The following HPF1 variants were observed in gnomAD, a reference collection of about 807,000 sequenced individuals.
HPF1 encodes the protein UPF0609 protein C4orf27.
Under a neutral mutation model 38.8 loss-of-function variants are expected in HPF1, and 35 were observed. The observed-to-expected ratio is 0.90, with a 90% confidence interval of 0.69 to 1.19. The LOEUF is 1.19. HPF1 is among the 50% of genes most tolerant of loss of function. The pLI is 0.00. For synonymous variants in HPF1, 115 were observed against 139.2 expected, an observed-to-expected ratio of 0.83 and a Z score of 1.22; for missense variants, 367 against 405.8, an observed-to-expected ratio of 0.90 and a Z score of 0.82.
chr4:169,753,701 T>C lies in HPF1; in HGVS notation c.183A>G (p.Glu61=), dbSNP rs1560892081. 1.9e-6 allele frequency: 3 copies of C among 1,611,804 alleles called. No homozygotes were observed. In the South Asian group the frequency reaches 3.3e-5, roughly 18 times the overall value. ...EDFYHFWKFC[E]ELDPEKPSDS... ...CAGATGGCTTTTCAGGATCAAGTTCTTCACAGAACTTCCAGAAGTGATAGA... is the reference window on the plus strand; with the variant it reads ...CAGATGGCTTTTCAGGATCAAGTTCCTCACAGAACTTCCAGAAGTGATAGA... Residue 61 remains glutamate, a synonymous_variant, in exon 2 of 8, where the codon GAA becomes GAG. Transcript: ENST00000393381.
intron 7 of HPF1, among the ~76,000 whole-genome samples, chr4:169,731,394 C>T (rs1733825924): frequency 6.6e-6 from 1 of 152,174 alleles, no homozygotes; most frequent in Non-Finnish European, 1.5e-5. Context: ...GGCAAGAAGG[C>T]ATGTCCCTAT....
intron 6 of HPF1, among the ~76,000 whole-genome samples, chr4:169,734,816 C>T (rs1022880437): frequency 2.0e-5 from 3 of 152,136 alleles, no homozygotes; most frequent in African/African-American, 4.8e-5. Flanking sequence ...CTTCTTACTT[C>T]GGATAGTAGT....
rs200337191 is a variant in HPF1, at chr4:169,750,748, C to A, written c.209-23G>T. On this transcript the variant is annotated intron_variant, in intron 2 of 7. Coordinates refer to ENST00000393381, the MANE Select transcript of HPF1 (RefSeq NM_017867.3). ...AATCTATAAAGAAAATAAATTTAGA[C>A]AATACTTTCTGGAGACAGGTAGGAA... 842 of 1,525,064 alleles carry A rather than the reference C, an allele frequency of 5.5e-4. 10 individuals carry two copies. In the Middle Eastern group the frequency reaches 0.016, roughly 29 times the overall value. 94.5% of individuals were successfully genotyped at this position (1,525,064 alleles called of 1,614,324 possible). A position where few individuals can be genotyped will look rare whatever the true frequency, so the allele number is the denominator to read the frequency against.
At chr4:169,736,199 T>C (rs1242429045) in intron 6 of HPF1, among the ~76,000 whole-genome samples, 1 of 150,754 alleles carries the variant, frequency 6.6e-6, no homozygotes, top group African/African-American at 2.4e-5. Flanking sequence ...GGCAACAGAG[T>C]GAGACCCCGT....
chr4:169,741,523 C>T (rs536682617), intron 5 of HPF1, among the ~76,000 whole-genome samples: 38 of 152,062 alleles, frequency 2.5e-4, no homozygotes, highest in African/African-American at 8.9e-4. Context: ...ATATTGCAGA[C>T]ATTAGGAGAG....
intron 4 of HPF1, among the ~76,000 whole-genome samples, chr4:169,748,420 C>T (rs189951092): frequency 7.2e-5 from 11 of 151,936 alleles, no homozygotes; most frequent in African/African-American, 2.7e-4. Flanking sequence ...ACTCAGGCTG[C>T]AATGCAGTGG....
At chr4:169,731,570 A>T in intron 7 of HPF1, 134 bp downstream of exon 7, 1 of 602,474 alleles carries the variant, frequency 1.7e-6, no homozygotes, top group Non-Finnish European at 2.7e-6. Context: ...ATTTTGAAAT[A>T]CAAGCTGAAT....
chr4:169,735,832 G>T (rs1733884684), intron 6 of HPF1, among the ~76,000 whole-genome samples: 1 of 150,108 alleles, frequency 6.7e-6, no homozygotes, highest in African/African-American at 2.5e-5. Context: ...TCAAAGAGGA[G>T]ATATAGGACA....
intron 5 of HPF1, among the ~76,000 whole-genome samples, chr4:169,740,483 C>A (rs545311377): frequency 6.6e-6 from 1 of 152,192 alleles, no homozygotes; most frequent in East Asian, 1.9e-4. Flanking sequence ...TATGCTTACG[C>A]TCACACACAA....
rs1421212113 is a variant in HPF1 at position 169,731,817 on chromosome 4, T to C, written c.796A>G (p.Lys266Glu). The change falls in exon 7 of 8, where the codon AAA becomes GAA. Residue 266 changes from lysine to glutamate, a missense_variant. Physicochemically the swap from Lys to Glu is moderately conservative, Grantham distance 56. Transcript: ENST00000393381. ...VEAASDEERL[K>E]AFAPIQEMMT... is the part of the protein sequence containing the mutation. Reference sequence around the variant, plus strand: ...ATTTCCTGAATGGGAGCAAAAGCTTTTAGTCTCTCCTCATCACTTGCAGCC... The same window carrying C: ...ATTTCCTGAATGGGAGCAAAAGCTTCTAGTCTCTCCTCATCACTTGCAGCC... 6.2e-7 allele frequency: 1 copy of C among 1,612,100 alleles called. No individual in the cohort carries two copies. Among genetic ancestry groups the C allele is most frequent in the South Asian group, 1.1e-5 (1 of 90,622 alleles).
intron 5 of HPF1, 124 bp from the exon 6 acceptor site, chr4:169,737,871 A>G (rs1733919398): frequency 3.0e-6 from 2 of 675,466 alleles, no homozygotes; most frequent in Non-Finnish European, 2.6e-6. Context: ...TTATTTCAGT[A>G]AATTTGGACT....
Position 169,733,953 on chromosome 4 carries a change from C to T in HPF1, c.737-2077G>A, listed in dbSNP as rs1485147581. 2.0e-5 allele frequency among the ~76,000 whole-genome samples: 3 copies of T among 151,482 alleles called. No homozygotes were observed. In the East Asian group the frequency reaches 5.8e-4, roughly 29 times the overall value. ...ATTAAAAATATACTATATACTAGTG[C>T]TTTTAACCCCAGTCTATGAATAACA... On this transcript the variant is annotated intron_variant, in intron 6 of 7. Coordinates refer to ENST00000393381, the MANE Select transcript of HPF1 (RefSeq NM_017867.3).
intron 5 of HPF1, among the ~76,000 whole-genome samples, chr4:169,739,907 G>C (rs928335380): frequency 6.6e-6 from 1 of 152,144 alleles, no homozygotes; most frequent in African/African-American, 2.4e-5. Flanking sequence ...AGCTCAGGCT[G>C]AACAACATAA....
intron 4 of HPF1, among the ~76,000 whole-genome samples, chr4:169,747,111 G>T (rs146201503): frequency 0.014 from 2,074 of 150,132 alleles, 47 homozygotes; most frequent in African/African-American, 0.047. Context: ...ACATGCCAAG[G>T]TATTTATAGA....
At chr4:169,741,010 A>G (rs1733962086) in intron 5 of HPF1, among the ~76,000 whole-genome samples, 1 of 152,228 alleles carries the variant, frequency 6.6e-6, no homozygotes, top group Admixed American at 6.5e-5. Flanking sequence ...AGAAAGGTAA[A>G]TGGCAATATA....
At chr4:169,731,129 C>T (rs1327894839) in intron 7 of HPF1, among the ~76,000 whole-genome samples, 2 of 152,262 alleles carry the variant, frequency 1.3e-5, no homozygotes, top group African/African-American at 2.4e-5. Context: ...ATATCCGCTA[C>T]ACCTTATTGC....
At chr4:169,749,718 T>C (rs372790268) in intron 3 of HPF1, among the ~76,000 whole-genome samples, 1 of 33,584 alleles carries the variant, frequency 3.0e-5, no homozygotes, top group Non-Finnish European at 5.9e-5. Flanking sequence ...TATACTCAAA[T>C]ACAAAAAAAA....
chr4:169,729,547 A>G lies in HPF1; in HGVS notation c.*31T>C, dbSNP rs1231683637. 3 of 1,408,614 alleles carry G rather than the reference A, an allele frequency of 2.1e-6. No homozygotes were observed. Among genetic ancestry groups the G allele is most frequent in the African/African-American group, 3.0e-5 (2 of 66,968 alleles). The allele number at this position is 1,408,614 out of a possible 1,614,324, so 87.3% of individuals were successfully genotyped here. A position where few individuals can be genotyped will look rare whatever the true frequency, so the allele number is the denominator to read the frequency against. On this transcript the variant is annotated 3_prime_UTR_variant, in exon 8 of 8. Transcript: ENST00000393381. Reference sequence around the variant, plus strand: ...TCACAAGTTTAATACTAGTCCTTTGAAATACTGTACACCAATCAAAGCCAC... The same window carrying G: ...TCACAAGTTTAATACTAGTCCTTTGGAATACTGTACACCAATCAAAGCCAC...
Position 169,744,071 on chromosome 4 carries a change from G to A in HPF1, c.498-1964C>T, listed in dbSNP as rs1734014140. Among the ~76,000 whole-genome samples the A allele has an allele frequency of 2.6e-5, 4 of 152,126 alleles. No homozygotes were observed. The South Asian group carries it at 6.2e-4, about 24-fold the overall frequency. On this transcript the variant is annotated intron_variant, in intron 4 of 7. Transcript: ENST00000393381. ...AATTATTACCAGCTGTATGTCTAGA[G>A]GGTATTTTTATATCAACCATAAAAT...
Sources: gnomAD v4.1 joint callset for allele counts (sites outside exome capture counted in the v4.1 genomes callset) on GRCh38, gnomAD v4.1.1 for gene constraint, MANE v1.5 for transcripts, NCBI Gene and HGNC (gene_info 2026-07-23, HGNC 2026-07-21) for gene names.